Variants in EYS observed in about 807,000 individuals in gnomAD.
EYS encodes the protein protein eyes shut homolog.
In EYS, 250 loss-of-function variants were observed where a neutral mutation model predicts 282.1. The observed-to-expected ratio is 0.89, with a 90% CI of 0.80 to 0.98. The LOEUF is 0.98. Among genes scored for constraint, EYS ranks in the 50% least tolerant of loss-of-function variants. The pLI is 0.00. For missense variants in EYS, 4,016 were observed against 3,709.0 expected (o/e 1.08, Z -2.15); for synonymous variants, 1,355 against 1,282.9 (o/e 1.06, Z -1.20).
At chr6:64,563,917 T>C (rs766725599) in intron 26 of EYS, among the ~76,000 whole-genome samples, 49 of 151,944 alleles carry the variant, frequency 3.2e-4, no homozygotes, top group Non-Finnish European at 6.0e-4. Context: ...ATTTATAATT[T>C]TCTATTTATT....
chr6:63,890,880 A>T (rs1197096853), intron 35 of EYS, among the ~76,000 whole-genome samples: 2 of 152,186 alleles, frequency 1.3e-5, no homozygotes, highest in African/African-American at 4.8e-5. Flanking sequence ...AATCAAATAG[A>T]CACAATAAAA....
At chr6:65,453,374 TA>T (rs962534942) in intron 5 of EYS, among the ~76,000 whole-genome samples, 22 of 151,940 alleles carry the variant, frequency 1.4e-4, no homozygotes, top group Admixed American at 1.3e-3. Flanking sequence ...CAAATTTATT[TA>T]AAAAATATTT....
At chr6:65,214,466 A>G (rs1403932848) in intron 12 of EYS, among the ~76,000 whole-genome samples, 1 of 152,200 alleles carries the variant, frequency 6.6e-6, no homozygotes, top group African/African-American at 2.4e-5. Context: ...GAGGTGAGGA[A>G]GCTACAGAAG....
chr6:64,296,064 A>G (rs897035789), intron 30 of EYS, among the ~76,000 whole-genome samples: 4 of 152,256 alleles, frequency 2.6e-5, no homozygotes, highest in Admixed American at 1.3e-4. Context: ...AATTTAATTG[A>G]GTATAAAATG....
At chr6:65,222,863 G>T (rs1766507310) in intron 12 of EYS, among the ~76,000 whole-genome samples, 1 of 152,092 alleles carries the variant, frequency 6.6e-6, no homozygotes, top group African/African-American at 2.4e-5. Flanking sequence ...CCAGCTTAAA[G>T]AACTAAAAAC....
At chr6:65,524,068 C>T (rs1322546694) in intron 2 of EYS, among the ~76,000 whole-genome samples, 4 of 152,146 alleles carry the variant, frequency 2.6e-5, no homozygotes, top group Non-Finnish European at 2.9e-5. Flanking sequence ...GACGGGGTTT[C>T]GCCATGTTGG....
Position 64,203,418 on chromosome 6 carries a change from T to C in EYS, c.6424+27174A>G, listed in dbSNP as rs1294489167. On this transcript the variant is annotated intron_variant, in intron 31 of 42. Transcript: ENST00000503581. ...AGTCACGAGCCAGAGTGAGGACATA[T>C]AGAAGAGTGTAAGGGCATCTGAGTG... is the stretch of plus-strand genomic sequence containing the variant. Among the ~76,000 whole-genome samples, 11 of 152,136 alleles carry C rather than the reference T, an allele frequency of 7.2e-5. No homozygotes were observed. The East Asian group carries it at 1.9e-3, about 27-fold the overall frequency.
At chr6:65,139,757 G>A (rs939965525) in intron 12 of EYS, among the ~76,000 whole-genome samples, 1 of 151,988 alleles carries the variant, frequency 6.6e-6, no homozygotes, top group Non-Finnish European at 1.5e-5. Context: ...ACTGCTAGTA[G>A]GAATGTAAAC....
At chr6:65,331,057 A>G in intron 11 of EYS, 1 of 984,204 alleles carries the variant, frequency 1.0e-6, no homozygotes. Flanking sequence ...CATATGTGTT[A>G]TGTAGTCTGT....
At chr6:64,687,161 G>C (rs911284642) in intron 22 of EYS, among the ~76,000 whole-genome samples, 1 of 151,594 alleles carries the variant, frequency 6.6e-6, no homozygotes, top group Non-Finnish European at 1.5e-5. Flanking sequence ...TAAAACTAGA[G>C]AGAAAGAAAC....
At chr6:64,992,078 C>G (rs756548163) in intron 14 of EYS, among the ~76,000 whole-genome samples, 1 of 151,902 alleles carries the variant, frequency 6.6e-6, no homozygotes, top group South Asian at 2.1e-4. Context: ...AAGCACGTGT[C>G]TTTTCAAAAG....
At chr6:65,207,985 C>A (rs1766078820) in intron 12 of EYS, among the ~76,000 whole-genome samples, 1 of 151,674 alleles carries the variant, frequency 6.6e-6, no homozygotes, top group Non-Finnish European at 1.5e-5. Flanking sequence ...ACCCTAAAAG[C>A]AAATGCAACA....
intron 19 of EYS, among the ~76,000 whole-genome samples, chr6:64,866,327 GC>G (rs1372651449): frequency 6.6e-6 from 1 of 151,744 alleles, no homozygotes; most frequent in African/African-American, 2.4e-5. Context: ...CATCCTATAG[GC>G]AACAACAAAT....
At chr6:65,260,147 T>A (rs758846844) in intron 12 of EYS, among the ~76,000 whole-genome samples, 2 of 151,988 alleles carry the variant, frequency 1.3e-5, no homozygotes, top group Non-Finnish European at 2.9e-5. Context: ...AAAGGAGACG[T>A]GCCTAGTGAA....
At chr6:63,935,589 T>C (rs1581996648) in intron 35 of EYS, among the ~76,000 whole-genome samples, 1 of 152,118 alleles carries the variant, frequency 6.6e-6, no homozygotes, top group East Asian at 1.9e-4. Flanking sequence ...GATGAATGTA[T>C]ACACATAGAG....
At chr6:64,575,203 C>T (rs1765841796) in intron 26 of EYS, among the ~76,000 whole-genome samples, 1 of 151,986 alleles carries the variant, frequency 6.6e-6, no homozygotes. Flanking sequence ...ATTTTATCCA[C>T]ATGAAAATAT....
chr6:63,863,008 T>C (rs762626589), intron 36 of EYS, among the ~76,000 whole-genome samples: 8 of 152,214 alleles, frequency 5.3e-5, no homozygotes, highest in African/African-American at 9.6e-5. Context: ...TTTTCATACC[T>C]GCCACATCAG....
intron 31 of EYS, among the ~76,000 whole-genome samples, chr6:64,210,736 G>A (rs1267894799): frequency 3.3e-5 from 5 of 152,120 alleles, no homozygotes; most frequent in Admixed American, 1.3e-4. Flanking sequence ...CTGGTAAAGT[G>A]TTATTTCTGG....
Position 64,485,910 on chromosome 6 carries a change from G to C in EYS, c.5645-46558C>G, listed in dbSNP as rs914469751. Among the ~76,000 whole-genome samples, 6 of 151,290 alleles carry C rather than the reference G, an allele frequency of 4.0e-5. No individual in the cohort carries two copies. The East Asian group carries it at 1.2e-3, about 29-fold the overall frequency. On this transcript the variant is annotated intron_variant, in intron 26 of 42. Coordinates refer to ENST00000503581, the MANE Select transcript of EYS (RefSeq NM_001142800.2). ...ACAAATATTCATATTTCTATATTAT[G>C]ATTATATAAATACTGAGGATTTATA... is the stretch of plus-strand genomic sequence containing the variant.
Sources: allele counts gnomAD v4.1 joint callset (sites outside exome capture counted in the v4.1 genomes callset), GRCh38; gene constraint gnomAD v4.1.1; transcripts MANE v1.5; gene names NCBI Gene and HGNC (gene_info 2026-07-23, HGNC 2026-07-21).